GMDS: variants seen among roughly 807,000 people sequenced by gnomAD.
The protein encoded by GMDS is GDP-mannose 4,6 dehydratase.
GMDS carries 20 observed loss-of-function variants against 49.9 expected under a neutral mutation model. That is an observed-to-expected ratio of 0.40 (90% CI 0.28 to 0.58). The LOEUF (loss-of-function observed/expected upper bound fraction) is 0.58. Among genes scored for constraint, GMDS ranks in the 20% least tolerant of loss-of-function variants. The pLI, the probability that GMDS is intolerant of heterozygous loss-of-function variation, is 0.42. For synonymous variants in GMDS, 177 were observed against 178.6 expected, an observed-to-expected ratio of 0.99 and a Z score of 0.07; for missense variants, 362 against 481.4, an observed-to-expected ratio of 0.75 and a Z score of 2.32.
chr6:2,041,174 T>A lies in GMDS; in HGVS notation c.345+74597A>T, dbSNP rs181814553. ...CCATGTACAAATGCATGTAAATATG[T>A]ATACAAAAATGCACATATGCCGACA... On this transcript the variant is annotated intron_variant, in intron 4 of 10. Coordinates refer to ENST00000380815, the MANE Select transcript of GMDS (RefSeq NM_001500.4). 9.8e-5 allele frequency among the ~76,000 whole-genome samples: 15 copies of A among 152,294 alleles called. No individual in the cohort carries two copies. In the East Asian group the frequency reaches 2.9e-3, roughly 29 times the overall value.
rs56088507 is a variant in GMDS, at chr6:1,968,397, G to C, written c.346-7431C>G. 7.9e-3 allele frequency among the ~76,000 whole-genome samples: 1,201 copies of C among 152,258 alleles called. 18 individuals carry two copies. Among genetic ancestry groups the C allele is most frequent in the African/African-American group, 0.027 (1,122 of 41,546 alleles). The stretch of plus-strand genomic sequence containing the variant: ...CTTGAGGTCAGAAATGTCACACATT[G>C]TGACTCTTTTTCCAAGAAGCACAGC... On this transcript the variant is annotated intron_variant, in intron 4 of 10. Coordinates refer to ENST00000380815, the MANE Select transcript of GMDS (RefSeq NM_001500.4).
intron 9 of GMDS, among the ~76,000 whole-genome samples, chr6:1,651,816 C>G (rs1248023617): frequency 1.3e-5 from 2 of 152,162 alleles, no homozygotes; most frequent in Non-Finnish European, 2.9e-5. Flanking sequence ...ACACCTGGCA[C>G]TCGATAAACA....
At chr6:1,904,721 T>A (rs890492281) in intron 7 of GMDS, among the ~76,000 whole-genome samples, 3 of 152,108 alleles carry the variant, frequency 2.0e-5, no homozygotes, top group Admixed American at 2.0e-4. Context: ...GGTGCCCACT[T>A]AATACCTCAC....
chr6:2,123,313 CCCT>C (rs1182906118), intron 2 of GMDS, among the ~76,000 whole-genome samples: 8 of 152,346 alleles, frequency 5.3e-5, no homozygotes, highest in Admixed American at 5.2e-4. Flanking sequence ...CACCTTGTCC[CCCT>C]AAGAGTGGAT....
intron 7 of GMDS, among the ~76,000 whole-genome samples, chr6:1,914,139 T>G (rs1056123669): frequency 5.4e-5 from 7 of 129,192 alleles, no homozygotes; most frequent in Non-Finnish European, 1.0e-4. Flanking sequence ...TTGTTTTTTT[T>G]TTTTTTTTTT....
At chr6:2,120,552 C>T (rs1489456979) in intron 2 of GMDS, among the ~76,000 whole-genome samples, 2 of 152,114 alleles carry the variant, frequency 1.3e-5, no homozygotes, top group African/African-American at 4.8e-5. Flanking sequence ...AATTCTGATA[C>T]ATTGTGTTGT....
intron 9 of GMDS, among the ~76,000 whole-genome samples, chr6:1,699,327 G>A (rs1765458072): frequency 6.6e-6 from 1 of 152,052 alleles, no homozygotes; most frequent in African/African-American, 2.4e-5. Flanking sequence ...GGGAGGAGGA[G>A]GGATGTACAG....
At chr6:2,033,561 T>C (rs1044012057) in intron 4 of GMDS, among the ~76,000 whole-genome samples, 3 of 152,216 alleles carry the variant, frequency 2.0e-5, no homozygotes, top group African/African-American at 7.2e-5. Context: ...ATTAACAATG[T>C]TTGATTTATA....
intron 8 of GMDS, among the ~76,000 whole-genome samples, chr6:1,737,525 A>T (rs1767041929): frequency 6.6e-6 from 1 of 150,778 alleles, no homozygotes; most frequent in Non-Finnish European, 1.5e-5. Context: ...ACACACAGAG[A>T]TACACACACA....
intron 7 of GMDS, among the ~76,000 whole-genome samples, chr6:1,897,355 G>T (rs1384966111): frequency 6.6e-6 from 1 of 152,072 alleles, no homozygotes; most frequent in African/African-American, 2.4e-5. Flanking sequence ...CTCCAAATAC[G>T]GTCACATTCT....
chr6:1,970,947 C>T (rs1182024686), intron 4 of GMDS, among the ~76,000 whole-genome samples: 2 of 149,478 alleles, frequency 1.3e-5, no homozygotes, highest in Non-Finnish European at 3.0e-5. Flanking sequence ...CACACGTATC[C>T]CAGACTTAAA....
chr6:1,992,152 ATTCTGAGT>A (rs1475404024), intron 4 of GMDS, among the ~76,000 whole-genome samples: 1 of 152,184 alleles, frequency 6.6e-6, no homozygotes, highest in African/African-American at 2.4e-5. Flanking sequence ...CTGAGCATAT[ATTCTGAGT>A]TTCTGAGTAT....
intron 9 of GMDS, among the ~76,000 whole-genome samples, chr6:1,670,129 C>G (rs1350371913): frequency 6.6e-6 from 1 of 151,986 alleles, no homozygotes; most frequent in Non-Finnish European, 1.5e-5. Context: ...GAGCGCTGCG[C>G]ACGTGCACCG....
chr6:1,890,712 A>G (rs1315290618), intron 7 of GMDS, among the ~76,000 whole-genome samples: 1 of 152,214 alleles, frequency 6.6e-6, no homozygotes, highest in Admixed American at 6.5e-5. Context: ...GAAATCTGGA[A>G]TCTGCCTGTA....
At chr6:2,079,756 T>C (rs1159637744) in intron 4 of GMDS, among the ~76,000 whole-genome samples, 2 of 152,156 alleles carry the variant, frequency 1.3e-5, no homozygotes, top group South Asian at 2.1e-4. Flanking sequence ...TTTAGATAGT[T>C]TGACTATAAT....
intron 7 of GMDS, among the ~76,000 whole-genome samples, chr6:1,913,801 G>A (rs1267226635): frequency 6.6e-6 from 1 of 152,070 alleles, no homozygotes; most frequent in Non-Finnish European, 1.5e-5. Context: ...GCTGAGGGAA[G>A]CACTTTTTTT....
At chr6:1,628,159 G>A (rs571024970) in intron 9 of GMDS, among the ~76,000 whole-genome samples, 28 of 152,210 alleles carry the variant, frequency 1.8e-4, no homozygotes, top group Non-Finnish European at 3.4e-4. Context: ...CCTGGCTTAC[G>A]TTCTTGTTAA....
At chr6:1,792,975 T>A (rs113818879) in intron 7 of GMDS, among the ~76,000 whole-genome samples, 2 of 152,354 alleles carry the variant, frequency 1.3e-5, no homozygotes, top group African/African-American at 4.8e-5. Context: ...CATATTCATA[T>A]GATAATTTCC....
rs143508807 is a variant in GMDS at position 1,820,455 on chromosome 6, G to C, written c.772-77869C>G. On this transcript the variant is annotated intron_variant, in intron 7 of 10. Transcript: ENST00000380815. Reference sequence around the variant, plus strand: ...AATATAAGAAATAACATTTCGGTCTGGGTATCTGACTAATGGTTATTTATG... The same window carrying C: ...AATATAAGAAATAACATTTCGGTCTCGGTATCTGACTAATGGTTATTTATG... Among the ~76,000 whole-genome samples the C allele has an allele frequency of 2.2e-3, 340 of 152,224 alleles. 2 individuals are homozygous for C. Among genetic ancestry groups the C allele is most frequent in the Admixed American group, 5.0e-3 (77 of 15,300 alleles).
Sources: allele counts gnomAD v4.1 joint callset (sites outside exome capture counted in the v4.1 genomes callset), GRCh38; gene constraint gnomAD v4.1.1; transcripts MANE v1.5; gene names NCBI Gene and HGNC (gene_info 2026-07-23, HGNC 2026-07-21).